Variants in HS1BP3 observed in about 807,000 individuals in gnomAD.
The protein encoded by HS1BP3 is HCLS1-binding protein 3.
In HS1BP3, 32 loss-of-function variants were observed where a neutral mutation model predicts 33.5. The observed-to-expected ratio is 0.95, with a 90% CI of 0.72 to 1.28. The LOEUF (loss-of-function observed/expected upper bound fraction) is 1.28. Ranked by LOEUF, HS1BP3 falls within the 50% of genes most tolerant of loss-of-function variation. The pLI, the probability that HS1BP3 is intolerant of heterozygous loss-of-function variation, is 0.00. For synonymous variants in HS1BP3, 187 were observed against 209.2 expected (o/e 0.89, Z 0.92); for missense variants, 486 against 502.3 (o/e 0.97, Z 0.31).
At chr2:20,590,198 C>T (rs766474), downstream of HS1BP3, among the ~76,000 whole-genome samples, 16,048 of 152,120 alleles carry the variant, frequency 0.11, 859 homozygotes, top group South Asian at 0.19. Flanking sequence ...TTTGCACCCC[C>T]GGGCTCTGTG....
At chr2:20,572,726 T>G (rs10200207) in intron 5 of HS1BP3, among the ~76,000 whole-genome samples, 9,786 of 152,296 alleles carry the variant, frequency 0.064, 518 homozygotes, top group South Asian at 0.19. Flanking sequence ...TCCTGTCTCT[T>G]CAGGGTACTG....
intron 4 of HS1BP3, chr2:20,635,664 A>T (rs965097847): frequency 2.0e-5 from 3 of 152,226 alleles, no homozygotes; most frequent in African/African-American, 7.2e-5. Flanking sequence ...GACATGGAGC[A>T]GCAATCGGGA....
rs200197006 is a variant in HS1BP3 at position 20,638,495 on chromosome 2, G to A, written c.564C>T (p.Gly188=). 185 of 1,614,218 alleles carry A rather than the reference G, an allele frequency of 1.1e-4. No homozygotes were observed. The East Asian group carries it at 4.0e-3, about 35-fold the overall frequency. ...EEGPPVQSLK[G]EDAEESLEEE... The stretch of plus-strand genomic sequence containing the variant: ...CCTCCAAGGATTCCTCAGCATCCTC[G>A]CCCTTCAGGCTCTGGACGGGCGGAC... Residue 188 remains glycine (G), a synonymous_variant, in exon 4 of 7, where the codon GGC becomes GGT. Coordinates refer to ENST00000304031, the MANE Select transcript of HS1BP3 (RefSeq NM_022460.4).
chr2:20,649,183 G>T (rs554853253), intron 1 of HS1BP3, among the ~76,000 whole-genome samples: 6 of 152,218 alleles, frequency 3.9e-5, no homozygotes, highest in African/African-American at 1.4e-4. Context: ...AGCCTTCTCG[G>T]CCTTTCCTGA....
downstream of HS1BP3, among the ~76,000 whole-genome samples, chr2:20,556,608 G>A (rs1011366290): frequency 2.0e-5 from 3 of 152,112 alleles, no homozygotes; most frequent in Non-Finnish European, 4.4e-5. Context: ...ACAGTACCAG[G>A]TTGGCCCCTC....
intron 5 of HS1BP3, among the ~76,000 whole-genome samples, chr2:20,564,261 A>G (rs1693070907): frequency 6.6e-6 from 1 of 152,044 alleles, no homozygotes; most frequent in African/African-American, 2.4e-5. Context: ...GGAGCTCACC[A>G]CCTCTCAGGT....
At chr2:20,601,589 C>T (rs1216810019) in intron 2 of HS1BP3, among the ~76,000 whole-genome samples, 1 of 151,960 alleles carries the variant, frequency 6.6e-6, no homozygotes, top group Non-Finnish European at 1.5e-5. Context: ...TTTCACGAGA[C>T]CTGATGATTT....
At chr2:20,619,310 A>G in intron 6 of HS1BP3, 65 bp from the exon 7 acceptor site, 1 of 1,361,792 alleles carries the variant, frequency 7.3e-7, no homozygotes, top group Non-Finnish European at 1.0e-6. Context: ...ACAAGACCCC[A>G]GGCAATGCCA....
At chr2:20,608,871 C>A (rs75754312) in intron 2 of HS1BP3, among the ~76,000 whole-genome samples, 2,269 of 152,298 alleles carry the variant, frequency 0.015, 58 homozygotes, top group African/African-American at 0.051. Flanking sequence ...TGCCTCACTC[C>A]TGTGGCTCCA....
intron 2 of HS1BP3, among the ~76,000 whole-genome samples, chr2:20,644,670 A>G (rs1695461784): frequency 6.6e-6 from 1 of 152,182 alleles, no homozygotes; most frequent in Non-Finnish European, 1.5e-5. Flanking sequence ...TGATTTGGGA[A>G]TGACCATATT....
chr2:20,641,348 C>A (rs16987938), intron 2 of HS1BP3, among the ~76,000 whole-genome samples, 168 bp from the exon 3 acceptor site: 1 of 152,122 alleles, frequency 6.6e-6, no homozygotes, highest in Admixed American at 6.5e-5. Flanking sequence ...GTCCTTAACA[C>A]GCCTGGCCGA....
At chr2:20,630,119 T>G (rs972605817) in intron 4 of HS1BP3, among the ~76,000 whole-genome samples, 1 of 152,228 alleles carries the variant, frequency 6.6e-6, no homozygotes, top group African/African-American at 2.4e-5. Context: ...CTGAGACACA[T>G]GGACAGCATG....
downstream of HS1BP3, among the ~76,000 whole-genome samples, chr2:20,614,939 T>C (rs1572334224): frequency 6.6e-6 from 1 of 152,028 alleles, no homozygotes; most frequent in African/African-American, 2.4e-5. Context: ...CAGAGGAGGG[T>C]GGATATCTGT....
intron 5 of HS1BP3, among the ~76,000 whole-genome samples, chr2:20,582,857 C>G (rs1346707804): frequency 6.6e-6 from 1 of 152,150 alleles, no homozygotes; most frequent in Non-Finnish European, 1.5e-5. Flanking sequence ...CTGAGGGGTT[C>G]AGACACAGGC....
At chr2:20,608,028 G>A (rs548677927) in intron 2 of HS1BP3, among the ~76,000 whole-genome samples, 36 of 152,024 alleles carry the variant, frequency 2.4e-4, no homozygotes, top group Middle Eastern at 3.4e-3. Flanking sequence ...AAATTGAATC[G>A]TTTTCTTGAT....
At chr2:20,565,708 C>T (rs1284713340) in intron 5 of HS1BP3, among the ~76,000 whole-genome samples, 1 of 152,222 alleles carries the variant, frequency 6.6e-6, no homozygotes, top group Non-Finnish European at 1.5e-5. Context: ...ACCTCTGATC[C>T]TGCTCCACCA....
chr2:20,628,560 C>T (rs959918431), intron 4 of HS1BP3, among the ~76,000 whole-genome samples: 4 of 151,554 alleles, frequency 2.6e-5, no homozygotes, highest in African/African-American at 7.3e-5. Flanking sequence ...GCTTGAACCC[C>T]AGGGATGTAG....
In HS1BP3 at chr2:20,618,911, G is replaced by T. The variant is rs1694504582; in HGVS notation, c.*76C>A. ...CTGGGGGTGGGGAGGTTCTGACCCT[G>T]CAGGGCCCAGTCCCTTCCCTTCACA... On this transcript the variant is annotated 3_prime_UTR_variant, in exon 7 of 7. Transcript: ENST00000304031. 6.6e-7 allele frequency: 1 copy of T among 1,519,188 alleles called. No homozygotes were observed. 94.1% of individuals were successfully genotyped at this position (1,519,188 alleles called of 1,614,324 possible).
rs777951278 is a variant in HS1BP3 at position 20,641,046 on chromosome 2, C to T, written c.333G>A (p.Val111=). 67 of 1,614,088 alleles carry T rather than the reference C, an allele frequency of 4.2e-5. No individual in the cohort carries two copies. The highest frequency in any genetic ancestry group is 5.6e-5 in the Non-Finnish European group (66 of 1,180,042). The change falls in exon 3 of 7, where the codon GTG becomes GTA. Residue 111 remains valine, a synonymous_variant. Coordinates refer to ENST00000304031, the MANE Select transcript of HS1BP3 (RefSeq NM_022460.4). ...GESDIRERRA[V]FNEILRCVSK... ...AGACACAGCGCAGGATCTCATTGAA[C>T]ACGGCTCTCCTCTCCCGGATGTCAG...
Sources: gnomAD v4.1 joint callset for allele counts (sites outside exome capture counted in the v4.1 genomes callset) on GRCh38, gnomAD v4.1.1 for gene constraint, MANE v1.5 for transcripts, NCBI Gene and HGNC (gene_info 2026-07-23, HGNC 2026-07-21) for gene names.